The following SYNE1 variants were observed in gnomAD, a reference collection of about 807,000 sequenced individuals.
SYNE1 encodes nesprin-1.
In SYNE1, 616 loss-of-function variants were observed where a neutral mutation model predicts 1,111.0. The ratio of observed to expected loss-of-function variants is 0.55; its 90% CI spans 0.52 to 0.59. SYNE1 has a LOEUF of 0.59. Ranked by LOEUF, SYNE1 falls within the 20% of genes least tolerant of loss-of-function variation. SYNE1 has a pLI of 0.00. For synonymous variants in SYNE1, 3,855 were observed against 3,825.8 expected, an observed-to-expected ratio of 1.01 and a Z score of -0.28; for missense variants, 10,006 against 10,417.0, an observed-to-expected ratio of 0.96 and a Z score of 1.72.
At chr6:152,266,798 G>A (rs1402126245) in intron 100 of SYNE1, among the ~76,000 whole-genome samples, 1 of 151,776 alleles carries the variant, frequency 6.6e-6, no homozygotes, top group Non-Finnish European at 1.5e-5. Context: ...CCTATCACTT[G>A]CCCTCAGAAT....
chr6:152,597,572 G>A (rs1266244052), intron 3 of SYNE1, among the ~76,000 whole-genome samples: 5 of 152,014 alleles, frequency 3.3e-5, no homozygotes, highest in African/African-American at 7.2e-5. Flanking sequence ...CAAGATAAAC[G>A]GCTGTTGAAT....
At chr6:152,527,257 T>G (rs1300952959) in intron 4 of SYNE1, among the ~76,000 whole-genome samples, 3 of 152,216 alleles carry the variant, frequency 2.0e-5, no homozygotes, top group Admixed American at 2.0e-4. Context: ...GCATTTATAT[T>G]TCTCTTACAA....
chr6:152,389,329 A>T (rs896466928), intron 53 of SYNE1, among the ~76,000 whole-genome samples: 1 of 152,056 alleles, frequency 6.6e-6, no homozygotes, highest in African/African-American at 2.4e-5. Flanking sequence ...TATGACAGTT[A>T]TTTTTGCTGC....
intron 112 of SYNE1, among the ~76,000 whole-genome samples, 178 bp downstream of exon 112, chr6:152,233,603 G>T (rs1022213695): frequency 1.3e-5 from 2 of 152,090 alleles, no homozygotes; most frequent in Non-Finnish European, 2.9e-5. Context: ...AGGATTACAG[G>T]TGCGAGCCAC....
At chr6:152,608,257 G>T (rs1363589656) in intron 3 of SYNE1, among the ~76,000 whole-genome samples, 1 of 152,184 alleles carries the variant, frequency 6.6e-6, no homozygotes, top group African/African-American at 2.4e-5. Flanking sequence ...GGCACATAAT[G>T]GACAAGGTGA....
intron 3 of SYNE1, among the ~76,000 whole-genome samples, chr6:152,572,528 A>C (rs150185838): frequency 6.6e-6 from 1 of 152,294 alleles, no homozygotes; most frequent in East Asian, 1.9e-4. Flanking sequence ...GAATAAGAGC[A>C]CTTTTTATGG....
At chr6:152,533,923 C>T (rs924992760) in intron 4 of SYNE1, among the ~76,000 whole-genome samples, 24 of 152,002 alleles carry the variant, frequency 1.6e-4, no homozygotes, top group African/African-American at 5.8e-4. Flanking sequence ...TTTTGGGAGG[C>T]TGAGGTTGGT....
chr6:152,578,904 C>T (rs2099510261), intron 3 of SYNE1, among the ~76,000 whole-genome samples: 1 of 151,892 alleles, frequency 6.6e-6, no homozygotes, highest in South Asian at 2.1e-4. Flanking sequence ...TTTAAAAATC[C>T]ATCAAGTCTT....
chr6:152,334,381 T>A, intron 76 of SYNE1, 108 bp from the exon 77 acceptor site: 1 of 1,173,674 alleles, frequency 8.5e-7, no homozygotes. Context: ...TTCCTTAATA[T>A]GAAAAAAACT....
chr6:152,270,947 A>C (rs931242491), intron 98 of SYNE1, among the ~76,000 whole-genome samples: 2 of 152,228 alleles, frequency 1.3e-5, no homozygotes, highest in African/African-American at 4.8e-5. Context: ...TTGCCATTTC[A>C]GAGAGAACAG....
intron 115 of SYNE1, among the ~76,000 whole-genome samples, chr6:152,228,484 C>G (rs753386721): frequency 1.4e-5 from 2 of 147,458 alleles, no homozygotes; most frequent in Non-Finnish European, 3.0e-5. Context: ...GGAGAAGAAA[C>G]AAAATGGAAA....
chr6:152,152,334 G>A (rs533551192), intron 133 of SYNE1, among the ~76,000 whole-genome samples, 193 bp from the exon 134 acceptor site: 1 of 152,176 alleles, frequency 6.6e-6, no homozygotes, highest in South Asian at 2.1e-4. Flanking sequence ...TAAAGGAAAG[G>A]GAGAATCTAT....
At chr6:152,380,926 G>T in intron 56 of SYNE1, 80 bp downstream of exon 56, 1 of 1,412,088 alleles carries the variant, frequency 7.1e-7, no homozygotes, top group Non-Finnish European at 1.0e-6. Context: ...TAGTTAGCAA[G>T]ATTTTTTTTT....
chr6:152,269,999 C>T (rs1435728024), intron 98 of SYNE1, among the ~76,000 whole-genome samples: 3 of 152,148 alleles, frequency 2.0e-5, no homozygotes, highest in African/African-American at 7.2e-5. Context: ...AGGTCTTGAC[C>T]TCTATGTCAC....
Position 152,582,122 on chromosome 6 carries a change from T to C in SYNE1, c.68-42101A>G, listed in dbSNP as rs116476530. ...AATCGTATCCCCCTCCACCCCCTAC[T>C]TCCCAAACATAGCCAGGACTTCCCA... On this transcript the variant is annotated intron_variant, in intron 3 of 145. Coordinates refer to ENST00000367255, the MANE Select transcript of SYNE1 (RefSeq NM_182961.4). Among the ~76,000 whole-genome samples the C allele has an allele frequency of 6.5e-3, 988 of 152,090 alleles. 14 individuals are homozygous for C. The highest frequency in any genetic ancestry group is 0.023 in the African/African-American group (942 of 41,506).
chr6:152,251,743 A>C (rs1030147274), intron 104 of SYNE1, among the ~76,000 whole-genome samples: 3 of 152,078 alleles, frequency 2.0e-5, no homozygotes, highest in Non-Finnish European at 2.9e-5. Flanking sequence ...TGGGTGACAG[A>C]GCGAGACTCC....
chr6:152,540,103 C>T, intron 3 of SYNE1, 82 bp from the exon 4 acceptor site: 1 of 1,381,534 alleles, frequency 7.2e-7, no homozygotes, highest in Non-Finnish European at 1.0e-6. Context: ...TTACACAAAT[C>T]TGGAAGGAAT....
intron 3 of SYNE1, among the ~76,000 whole-genome samples, chr6:152,604,197 T>C (rs2099605064): frequency 6.6e-6 from 1 of 151,802 alleles, no homozygotes; most frequent in African/African-American, 2.4e-5. Flanking sequence ...TGTGTGTGTA[T>C]GTAGTGGTAT....
At chr6:152,419,841 C>A in intron 39 of SYNE1, 119 bp from the exon 40 acceptor site, 1 of 972,506 alleles carries the variant, frequency 1.0e-6, no homozygotes, top group Non-Finnish European at 1.6e-6. Context: ...CATGAACACT[C>A]TATACCTCTT....
Sources: allele counts gnomAD v4.1 joint callset (sites outside exome capture counted in the v4.1 genomes callset), GRCh38; gene constraint gnomAD v4.1.1; transcripts MANE v1.5; gene names NCBI Gene and HGNC (gene_info 2026-07-23, HGNC 2026-07-21).